ACYP2: variants seen among roughly 807,000 people sequenced by gnomAD.
ACYP2 encodes the protein acylphosphatase 2.
ACYP2 carries 12 observed loss-of-function variants against 11.2 expected under a neutral mutation model. That is an observed-to-expected ratio of 1.08 (90% CI 0.69 to 1.74). The LOEUF (loss-of-function observed/expected upper bound fraction) is 1.74, where lower values mean the gene tolerates loss of function less well. Ranked by LOEUF, ACYP2 falls within the 40% of genes most tolerant of loss-of-function variation. ACYP2 has a pLI of 0.00. For missense variants in ACYP2, 134 were observed against 101.9 expected, an observed-to-expected ratio of 1.31 and a Z score of -1.35; for synonymous variants, 43 against 32.2, an observed-to-expected ratio of 1.33 and a Z score of -1.13.
chr2:54,251,060 C>T (rs372653290), intron 6 of ACYP2, among the ~76,000 whole-genome samples: 3 of 152,046 alleles, frequency 2.0e-5, no homozygotes, highest in East Asian at 1.9e-4. Context: ...ATCTATTTGG[C>T]TGGAAGATAA....
chr2:54,113,224 AG>A (rs1340216885), intron 4 of ACYP2, among the ~76,000 whole-genome samples: 2 of 150,610 alleles, frequency 1.3e-5, no homozygotes, highest in Non-Finnish European at 2.9e-5. Context: ...AGTCTGCATG[AG>A]TTCAGTAGAG....
intron 6 of ACYP2, among the ~76,000 whole-genome samples, chr2:54,201,608 C>A (rs1304265384): frequency 1.3e-5 from 1 of 79,860 alleles, no homozygotes; most frequent in Non-Finnish European, 2.5e-5. Context: ...TTCTTTCTTT[C>A]TTTCTTTCTT....
chr2:54,123,740 A>G (rs761759413), intron 4 of ACYP2, among the ~76,000 whole-genome samples: 11 of 152,010 alleles, frequency 7.2e-5, no homozygotes, highest in Non-Finnish European at 1.5e-4. Context: ...CTTAGCTCCA[A>G]TCATAATATT....
chr2:54,078,232 C>G (rs1677449699), intron 4 of ACYP2, among the ~76,000 whole-genome samples: 1 of 151,894 alleles, frequency 6.6e-6, no homozygotes, highest in South Asian at 2.1e-4. Flanking sequence ...CAGGGGTGAG[C>G]CACTGTGCCT....
rs566511915 is a variant in ACYP2, at chr2:54,114,613, G to A, written c.278-20840G>A. On this transcript the variant is annotated intron_variant, in intron 4 of 6. Coordinates refer to ENST00000607452, the MANE Select transcript of ACYP2 (RefSeq NM_001320586.2). ...GCAGGACAATTTCTTGAACCTGGGA[G>A]GTGGAGGCTGCTGTGAGCTGAGATT... 2.6e-5 allele frequency among the ~76,000 whole-genome samples: 4 copies of A among 152,282 alleles called. No individual in the cohort carries two copies. In the East Asian group the frequency reaches 5.8e-4, roughly 22 times the overall value.
intron 4 of ACYP2, among the ~76,000 whole-genome samples, chr2:54,070,038 A>T (rs1190217585): frequency 6.6e-6 from 1 of 152,088 alleles, no homozygotes; most frequent in Non-Finnish European, 1.5e-5. Flanking sequence ...TGGGAGGCCA[A>T]GGTGGGCAGA....
chr2:54,008,746 T>A (rs1673205162), intron 2 of ACYP2, among the ~76,000 whole-genome samples: 1 of 152,182 alleles, frequency 6.6e-6, no homozygotes, highest in South Asian at 2.1e-4. Flanking sequence ...TTCTATCCAC[T>A]GAGAAATGTT....
chr2:54,238,442 T>C (rs566351450), intron 6 of ACYP2, among the ~76,000 whole-genome samples: 2 of 152,276 alleles, frequency 1.3e-5, no homozygotes, highest in Admixed American at 6.5e-5. Flanking sequence ...AAGAGTTCTC[T>C]ACAGGAAGTA....
intron 6 of ACYP2, among the ~76,000 whole-genome samples, chr2:54,180,483 C>G (rs1558592299): frequency 2.0e-5 from 3 of 152,164 alleles, no homozygotes. Context: ...GAAAAGACAT[C>G]ACTTCGGAGA....
At chr2:54,095,580 C>G (rs1444229768) in intron 4 of ACYP2, among the ~76,000 whole-genome samples, 1 of 149,754 alleles carries the variant, frequency 6.7e-6, no homozygotes, top group Non-Finnish European at 1.5e-5. Context: ...CACCACCTCC[C>G]TCCCGGACGG....
chr2:54,252,071 C>T (rs1687251511), intron 6 of ACYP2, among the ~76,000 whole-genome samples: 1 of 152,208 alleles, frequency 6.6e-6, no homozygotes, highest in South Asian at 2.1e-4. Context: ...GCGTAAATCT[C>T]AGACCCGTCA....
At chr2:54,011,249 G>A (rs1482332040) in intron 2 of ACYP2, among the ~76,000 whole-genome samples, 6 of 151,930 alleles carry the variant, frequency 3.9e-5, no homozygotes, top group South Asian at 4.2e-4. Flanking sequence ...TTTCAGTCCC[G>A]GGAGCTCCTT....
intron 6 of ACYP2, among the ~76,000 whole-genome samples, chr2:54,200,587 A>T (rs1302638865): frequency 6.6e-6 from 1 of 152,230 alleles, no homozygotes; most frequent in Non-Finnish European, 1.5e-5. Context: ...AGTAGCATGT[A>T]TCAGTGATAC....
At chr2:54,182,475 G>A (rs531773955) in intron 6 of ACYP2, among the ~76,000 whole-genome samples, 2 of 152,228 alleles carry the variant, frequency 1.3e-5, no homozygotes, top group African/African-American at 4.8e-5. Flanking sequence ...CTGGCTAGCT[G>A]GGACTACAGG....
chr2:54,039,819 T>TTGTGTGTGTG (rs751604890), intron 2 of ACYP2, among the ~76,000 whole-genome samples: 2,760 of 126,616 alleles, frequency 0.022, 46 homozygotes, highest in Middle Eastern at 0.04. Context: ...TTGTTTTCTT[T>TTGTGTGTGTG]TGTGTGTGTG....
intron 6 of ACYP2, among the ~76,000 whole-genome samples, chr2:54,298,879 G>A (rs567629079): frequency 2.0e-5 from 3 of 152,182 alleles, no homozygotes; most frequent in African/African-American, 7.2e-5. Context: ...AGCCTCCTGA[G>A]TAGCTGGACT....
intron 2 of ACYP2, among the ~76,000 whole-genome samples, chr2:54,030,313 G>A (rs1009657027): frequency 5.9e-5 from 9 of 152,082 alleles, no homozygotes; most frequent in Non-Finnish European, 1.3e-4. Context: ...CTCAGATTTC[G>A]TCGACTCCTG....
intron 4 of ACYP2, among the ~76,000 whole-genome samples, chr2:54,110,337 G>C (rs545858773): frequency 1.3e-4 from 20 of 152,148 alleles, no homozygotes; most frequent in African/African-American, 4.6e-4. Context: ...AACAGATAAG[G>C]CCTTTAAAGA....
At chr2:54,103,953 G>C (rs1475062401) in intron 4 of ACYP2, among the ~76,000 whole-genome samples, 1 of 152,194 alleles carries the variant, frequency 6.6e-6, no homozygotes, top group Non-Finnish European at 1.5e-5. Context: ...ACTGAATACA[G>C]ATGCCAGTCA....
Sources: gnomAD v4.1 joint callset for allele counts (sites outside exome capture counted in the v4.1 genomes callset) on GRCh38, gnomAD v4.1.1 for gene constraint, MANE v1.5 for transcripts, NCBI Gene and HGNC (gene_info 2026-07-23, HGNC 2026-07-21) for gene names.